GPRASP3: variants seen among roughly 807,000 people sequenced by gnomAD.
GPRASP3 encodes G protein-coupled receptor associated sorting protein 3.
chrX:102,730,163 G>C, the GPRASP3 span, among the ~76,000 whole-genome samples: 1 of 112,185 alleles, frequency 8.9e-6, no homozygotes, highest in Non-Finnish European at 1.9e-5. Flanking sequence ...GGTGATGGGA[G>C]GCAGTGACAG....
the GPRASP3 span, among the ~76,000 whole-genome samples, chrX:102,731,522 C>T: frequency 3.6e-5 from 4 of 110,491 alleles, no homozygotes; most frequent in African/African-American, 1.3e-4. Flanking sequence ...CCTAGCTACT[C>T]AGGAGGCTGA....
At chrX:102,749,829 C>G in the GPRASP3 span, 3 of 1,208,763 alleles carry the variant, frequency 2.5e-6, no homozygotes, top group South Asian at 5.3e-5. Flanking sequence ...CACAGCCTAT[C>G]CCTGAGTGTC....
At chrX:102,747,340 C>T in the GPRASP3 span, among the ~76,000 whole-genome samples, 2 of 111,796 alleles carry the variant, frequency 1.8e-5, no homozygotes, top group Admixed American at 9.4e-5. Context: ...CTAGTTGCTC[C>T]GCCTTCTTTT....
At chrX:102,735,491 G>A in the GPRASP3 span, among the ~76,000 whole-genome samples, 3 of 102,766 alleles carry the variant, frequency 2.9e-5, no homozygotes, top group Non-Finnish European at 5.9e-5. Flanking sequence ...TGCAAGCTCC[G>A]CCTCCTGGGT....
At chrX:102,751,010 AGT>A in the GPRASP3 span, 1 of 135,374 alleles carries the variant, frequency 7.4e-6, no homozygotes, top group Non-Finnish European at 1.6e-5. Flanking sequence ...CTAGAGAGAG[AGT>A]GTGTGTGAGT....
chrX:102,736,747 T>G, the GPRASP3 span, among the ~76,000 whole-genome samples: 1 of 112,083 alleles, frequency 8.9e-6, no homozygotes, highest in Non-Finnish European at 1.9e-5. Flanking sequence ...AAGAGCATGC[T>G]TCTCTGATCC....
the GPRASP3 span, among the ~76,000 whole-genome samples, chrX:102,722,658 A>AT: frequency 5.4e-5 from 6 of 111,619 alleles, no homozygotes; most frequent in Middle Eastern, 9.2e-3. Flanking sequence ...ATCTCGGAAC[A>AT]TAAAAAAAGA....
chrX:102,731,293 G>A, the GPRASP3 span, among the ~76,000 whole-genome samples: 4 of 112,160 alleles, frequency 3.6e-5, no homozygotes, highest in Admixed American at 9.4e-5. Context: ...AAAAGAGACC[G>A]AGGCAAATTT....
the GPRASP3 span, chrX:102,750,099 A>G: frequency 8.3e-7 from 1 of 1,209,187 alleles, no homozygotes; most frequent in Non-Finnish European, 1.1e-6. Flanking sequence ...GTGTAGTGAC[A>G]CTTATTGAAA....
the GPRASP3 span, among the ~76,000 whole-genome samples, chrX:102,738,672 G>A: frequency 1.7e-4 from 19 of 111,972 alleles, no homozygotes; most frequent in Admixed American, 3.8e-4. Context: ...GGTTCTTACT[G>A]TGTAACCCCC....
the GPRASP3 span, among the ~76,000 whole-genome samples, chrX:102,721,343 T>C: frequency 9.0e-6 from 1 of 111,602 alleles, no homozygotes; most frequent in South Asian, 3.8e-4. Context: ...CTCATTCTAC[T>C]CTCTGTCTTC....
the GPRASP3 span, chrX:102,751,951 T>G: frequency 3.0e-4 from 4 of 13,382 alleles, no homozygotes; most frequent in Non-Finnish European, 7.8e-4. Flanking sequence ...ATACCTTAAT[T>G]TTTTTTTTTT....
the GPRASP3 span, among the ~76,000 whole-genome samples, chrX:102,747,359 G>A: frequency 8.9e-6 from 1 of 111,822 alleles, no homozygotes; most frequent in African/African-American, 3.3e-5. Flanking sequence ...TTTGTAGGGC[G>A]TGACTCTTCT....
the GPRASP3 span, among the ~76,000 whole-genome samples, chrX:102,736,106 C>T: frequency 8.9e-5 from 10 of 111,737 alleles, no homozygotes; most frequent in African/African-American, 2.9e-4. Flanking sequence ...GCAGGCAAGT[C>T]GAACAATTTT....
At chrX:102,732,229 T>C in the GPRASP3 span, among the ~76,000 whole-genome samples, 4 of 112,010 alleles carry the variant, frequency 3.6e-5, no homozygotes, top group African/African-American at 9.7e-5. Context: ...TGCTTTCCAC[T>C]GACAAAGGGA....
chrX:102,728,595 T>A, the GPRASP3 span, among the ~76,000 whole-genome samples: 3 of 100,541 alleles, frequency 3.0e-5, no homozygotes, highest in Admixed American at 1.1e-4. Context: ...TTTTTTTTTT[T>A]AAATAGAGAG....
the GPRASP3 span, chrX:102,749,149 A>G: frequency 4.1e-6 from 5 of 1,212,241 alleles, no homozygotes; most frequent in Non-Finnish European, 5.6e-6. Flanking sequence ...AGGGTCTAAG[A>G]CAGATGCAGT....
At chrX:102,732,493 A>T in the GPRASP3 span, among the ~76,000 whole-genome samples, 9 of 110,935 alleles carry the variant, frequency 8.1e-5, no homozygotes, top group Non-Finnish European at 3.8e-5. Context: ...TCTGAGCTGC[A>T]TCAAGAGATC....
At chrX:102,749,884 C>T in the GPRASP3 span, 7 of 1,205,208 alleles carry the variant, frequency 5.8e-6, no homozygotes, top group African/African-American at 1.7e-5. Context: ...TGAGATTAGA[C>T]GTCAAATCAG....
Sources: allele counts gnomAD v4.1 joint callset (sites outside exome capture counted in the v4.1 genomes callset), GRCh38; gene constraint gnomAD v4.1.1; transcripts MANE v1.5; gene names NCBI Gene and HGNC (gene_info 2026-07-23, HGNC 2026-07-21).